Variants in CPSF1 observed in about 807,000 individuals in gnomAD.
CPSF1 encodes the protein cleavage and polyadenylation specific factor 1.
A neutral mutation model predicts 175.8 loss-of-function variants in CPSF1; 106 were observed. The observed-to-expected ratio is 0.60, with a 90% CI of 0.52 to 0.71. The LOEUF (loss-of-function observed/expected upper bound fraction) is 0.71. Among genes scored for constraint, CPSF1 ranks in the 30% least tolerant of loss-of-function variants. CPSF1 has a pLI of 0.00. For synonymous variants in CPSF1, 1,024 were observed against 858.3 expected (o/e 1.19, Z -3.37); for missense variants, 1,734 against 2,022.9 (o/e 0.86, Z 2.74).
Position 144,409,301 on chromosome 8 carries a change from G to T in CPSF1, c.-27C>A. ...CCCGGCCGCCCACCTGGCAGTTGGA[G>T]CCGACTCGAGAGGAACCGGGACAGC... On this transcript the variant is annotated 5_prime_UTR_variant, in exon 1 of 38. Coordinates refer to ENST00000616140, the MANE Select transcript of CPSF1 (RefSeq NM_013291.3). 1.5e-6 allele frequency: 1 copy of T among 677,490 alleles called. No individual in the cohort carries two copies. The highest frequency in any genetic ancestry group is 2.0e-6 in the Non-Finnish European group (1 of 498,274). 42.0% of individuals were successfully genotyped at this position (677,490 alleles called of 1,614,324 possible). A position where few individuals can be genotyped will look rare whatever the true frequency, so the allele number is the denominator to read the frequency against.
intron 2 of CPSF1, among the ~76,000 whole-genome samples, chr8:144,408,789 G>A (rs1821634527): frequency 6.6e-6 from 1 of 152,266 alleles, no homozygotes; most frequent in Non-Finnish European, 1.5e-5. Context: ...GACGGCTAGG[G>A]CAGCGCGCCC....
Position 144,398,794 on chromosome 8 carries a change from C to A in CPSF1, c.1623G>T (p.Pro541=). 1 of 1,600,848 alleles carries A rather than the reference C, an allele frequency of 6.2e-7. No individual in the cohort carries two copies. The highest frequency in any genetic ancestry group is 8.5e-7 in the Non-Finnish European group (1 of 1,171,166). Residue 541 remains proline (P), a synonymous_variant, in exon 17 of 38, where the codon CCG becomes CCT. Coordinates refer to ENST00000616140, the MANE Select transcript of CPSF1 (RefSeq NM_013291.3). Reference sequence around the variant, plus strand: ...TCGCACCTACCTCCTCCTTACGCACCGGGGCGATGACTGTCCACATGTCAT... The same window carrying A: ...TCGCACCTACCTCCTCCTTACGCACAGGGGCGATGACTGTCCACATGTCAT... ...GCYDMWTVIA[P]VRKEEEDNPK... is the part of the protein sequence containing the mutation.
intron 2 of CPSF1, among the ~76,000 whole-genome samples, chr8:144,403,393 C>A (rs1036657072): frequency 3.3e-5 from 5 of 151,500 alleles, no homozygotes; most frequent in Admixed American, 2.0e-4. Flanking sequence ...CACGCCAGGC[C>A]TTTGTTTTTT....
chr8:144,407,678 G>A (rs1821566989), intron 2 of CPSF1, among the ~76,000 whole-genome samples: 2 of 151,980 alleles, frequency 1.3e-5, no homozygotes, highest in South Asian at 2.1e-4. Context: ...CAGCCTGAGT[G>A]ACACAGCAAG....
Position 144,393,592 on chromosome 8 carries a change from TG to T in CPSF1, c.4146-3del. 6.2e-7 allele frequency: 1 copy of T among 1,601,838 alleles called. No individual in the cohort carries two copies. The highest frequency in any genetic ancestry group is 1.3e-5 in the African/African-American group (1 of 74,350). ...GTGCGGCGGTCCACGTGCAGCATCC[TG>T]GGGCGTACAGGCACAGGTGTCAGGG... On this transcript the variant is annotated splice_polypyrimidine_tract_variant and splice_region_variant and intron_variant, in intron 36 of 37. Coordinates refer to ENST00000616140, the MANE Select transcript of CPSF1 (RefSeq NM_013291.3).
At chr8:144,406,544 T>C (rs1821507327) in intron 2 of CPSF1, among the ~76,000 whole-genome samples, 1 of 152,246 alleles carries the variant, frequency 6.6e-6, no homozygotes, top group African/African-American at 2.4e-5. Flanking sequence ...TCTTTGTCTA[T>C]ATTCTGGGTG....
Position 144,396,698 on chromosome 8 carries a change from G to C in CPSF1, c.2726C>G (p.Ser909Cys), listed in dbSNP as rs782135010. ...INFREKKPKP[S>C]KKKAEGGGAE... The stretch of plus-strand genomic sequence containing the variant: ...GCCGCCACCTTCTGCTTTCTTCTTG[G>C]ATGGCTTTGGCTTCTTCTCACGGAA... The change falls in exon 25 of 38, where the codon TCC (serine) becomes TGC (cysteine). Residue 909 changes from serine to cysteine, a missense_variant. Physicochemically the swap from Ser to Cys is moderately radical, Grantham distance 112. Coordinates refer to ENST00000616140, the MANE Select transcript of CPSF1 (RefSeq NM_013291.3). The C allele has an allele frequency of 3.7e-6, 6 of 1,613,792 alleles. No individual in the cohort carries two copies. The African/African-American group carries it at 8.0e-5, about 22-fold the overall frequency.
At chr8:144,395,411 G>A (rs1554863376) in intron 27 of CPSF1, 24 bp downstream of exon 27, 4 of 1,612,860 alleles carry the variant, frequency 2.5e-6, no homozygotes, top group East Asian at 2.2e-5. Flanking sequence ...GAAGGTCCCT[G>A]GTGGGGTGGG....
chr8:144,396,890 G>A lies in CPSF1; in HGVS notation c.2632C>T (p.Pro878Ser). 8 of 1,613,918 alleles carry A rather than the reference G, an allele frequency of 5.0e-6. No homozygotes were observed. Among genetic ancestry groups the A allele is most frequent in the South Asian group, 1.1e-5 (1 of 91,068 alleles). ...DQELLIYEAF[P>S]HDSQLGQGNL... The stretch of plus-strand genomic sequence containing the variant: ...CCCTGGCCGAGCTGAGAGTCGTGGG[G>A]GAAGGCCTCGTAGATAAGCAGCTCT... The change falls in exon 24 of 38, where the codon CCC becomes TCC. Residue 878 changes from proline (P) to serine (S), a missense_variant. Around this residue, in one of 10 missense-constraint regions of CPSF1, gnomAD observed 585 missense variants for 584.7 expected, o/e 1.00. Transcript: ENST00000616140.
chr8:144,400,118 GC>G, intron 9 of CPSF1, 33 bp from the exon 10 acceptor site: 1 of 1,485,148 alleles, frequency 6.7e-7, no homozygotes, highest in Non-Finnish European at 9.1e-7. Flanking sequence ...GACTAGGCAG[GC>G]CCAAGCCGTC....
At position 144,397,787 on chromosome 8, in the gene CPSF1, C is replaced by T; in HGVS notation, c.2166G>A (p.Gly722=). Residue 722 remains glycine (G), a synonymous_variant, in exon 21 of 38, where the codon GGG becomes GGA. Coordinates refer to ENST00000616140, the MANE Select transcript of CPSF1 (RefSeq NM_013291.3). ...SRLGGARDEL[G]GRSGPEAEGL... Reference sequence around the variant, plus strand: ...CCTCGGCCTCCGGGCCACTGCGGCCCCCGAGCTCGTCACGGGCCCCACCCA... The same window carrying T: ...CCTCGGCCTCCGGGCCACTGCGGCCTCCGAGCTCGTCACGGGCCCCACCCA... 10 of 1,610,494 alleles carry T rather than the reference C, an allele frequency of 6.2e-6. No homozygotes were observed. The highest frequency in any genetic ancestry group is 8.5e-6 in the Non-Finnish European group (10 of 1,178,892).
rs1205411506 is a variant in CPSF1, at chr8:144,400,141, C to CCA, written c.937+24_937+25insTG. ...AGGCCCAAGCCGTCCCCGGGCCCCCCCCGCCCCAGCCACCCCACACTCACG... is the reference window on the plus strand; with the variant it reads ...AGGCCCAAGCCGTCCCCGGGCCCCCCCACCGCCCCAGCCACCCCACACTCACG... On this transcript the variant is annotated intron_variant, in intron 9 of 37. Transcript: ENST00000616140. 111 of 1,254,216 alleles carry CCA rather than the reference C, an allele frequency of 8.9e-5. 7 individuals carry two copies. The highest frequency in any genetic ancestry group is 2.4e-4 in the Admixed American group (11 of 46,362). The allele number at this position is 1,254,216 out of a possible 1,614,324, so 77.7% of individuals were successfully genotyped here.
rs782417933 is a variant in CPSF1, at chr8:144,397,229, C to T, written c.2570G>A (p.Arg857His). 15 of 1,547,082 alleles carry T rather than the reference C, an allele frequency of 9.7e-6. No individual in the cohort carries two copies. Among genetic ancestry groups the T allele is most frequent in the South Asian group, 2.4e-5 (2 of 84,144 alleles). The change falls in exon 23 of 38, where the codon CGC becomes CAC. Residue 857 changes from arginine (R) to histidine (H), a missense_variant. By Grantham distance (29) the Arg-to-His change is conservative. Around this residue, in one of 10 missense-constraint regions of CPSF1, gnomAD observed 585 missense variants for 584.7 expected, o/e 1.00. Coordinates refer to ENST00000616140, the MANE Select transcript of CPSF1 (RefSeq NM_013291.3). ...KEVLLVALGS[R>H]QSRPYLLVHV... ...CACCAGCAGGTAGGGCCTGCTCTGGCGGCTGCCCAGCGCCACCAGCAGCAC... is the reference window on the plus strand; with the variant it reads ...CACCAGCAGGTAGGGCCTGCTCTGGTGGCTGCCCAGCGCCACCAGCAGCAC...
In CPSF1 at chr8:144,399,067, G is replaced by GGCCC; in HGVS notation, c.1468-30_1468-29insGGGC. On this transcript the variant is annotated intron_variant, in intron 15 of 37. Transcript: ENST00000616140. The surrounding 1 kb of genome is among the most constrained non-coding windows in gnomAD (Gnocchi z 6.4). Reference sequence around the variant, plus strand: ...CACAGGACTCGGGGGTGAGGACTATGCCCCCCACCCCCCCTCACACTCCAG... The same window carrying GGCCC: ...CACAGGACTCGGGGGTGAGGACTATGGCCCCCCCCCACCCCCCCTCACACTCCAG... 5 of 1,549,914 alleles carry GGCCC rather than the reference G, an allele frequency of 3.2e-6. No homozygotes were observed. The highest frequency in any genetic ancestry group is 1.4e-5 in the African/African-American group (1 of 73,180).
chr8:144,394,456 G>A lies in CPSF1; in HGVS notation c.3667C>T (p.Leu1223=), dbSNP rs1395452065. ...HQMISVKNFI[L]AADVMKSISL... ...ATGCTCTTCATGACGTCGGCTGCCA[G>A]GATGAAGTTCTTGACGCTGATCATC... Residue 1223 remains leucine, a synonymous_variant, in exon 32 of 38, where the codon CTG becomes TTG. Transcript: ENST00000616140. 3 of 1,608,754 alleles carry A rather than the reference G, an allele frequency of 1.9e-6. No homozygotes were observed. Among genetic ancestry groups the A allele is most frequent in the East Asian group, 2.2e-5 (1 of 44,730 alleles).
In CPSF1 at chr8:144,399,080, C is replaced by T. The variant is rs2116858240; in HGVS notation, c.1468-42G>A. 2.1e-5 allele frequency: 33 copies of T among 1,546,748 alleles called. No homozygotes were observed. The highest frequency in any genetic ancestry group is 2.5e-5 in the Non-Finnish European group (29 of 1,145,016). On this transcript the variant is annotated intron_variant, in intron 15 of 37. Transcript: ENST00000616140. The surrounding 1 kb of genome is among the most constrained non-coding windows in gnomAD (Gnocchi z 6.4). ...GGTGAGGACTATGCCCCCCACCCCC[C>T]CTCACACTCCAGCCCCTGCCCCCAG...
In CPSF1 at chr8:144,399,216, A is replaced by G. The variant is rs1554865438; in HGVS notation, c.1393-14T>C. ...GCTGTCACACACCTGCGGCACAGCAAGAGTCAGGGGCCCGCTGGGGGCGCT... is the reference window on the plus strand; with the variant it reads ...GCTGTCACACACCTGCGGCACAGCAGGAGTCAGGGGCCCGCTGGGGGCGCT... On this transcript the variant is annotated splice_polypyrimidine_tract_variant and intron_variant, in intron 14 of 37. Transcript: ENST00000616140. This position sits in a 1 kb window ranked among gnomAD's most constrained non-coding sequence, Gnocchi z 6.4. 1.2e-6 allele frequency: 2 copies of G among 1,611,260 alleles called. No individual in the cohort carries two copies. The highest frequency in any genetic ancestry group is 1.3e-5 in the African/African-American group (1 of 74,918).
chr8:144,400,135 G>GGCCCCCCCC, intron 9 of CPSF1, 31 bp downstream of exon 9: 52 of 895,920 alleles, frequency 5.8e-5, no homozygotes, highest in Middle Eastern at 3.7e-4. Flanking sequence ...CCGTCCCCGG[G>GGCCCCCCCC]CCCCCCCCGC....
intron 4 of CPSF1, 63 bp downstream of exon 4, chr8:144,401,367 C>T: frequency 1.2e-6 from 2 of 1,611,718 alleles, no homozygotes; most frequent in Non-Finnish European, 1.7e-6. Flanking sequence ...AACGGCTGTA[C>T]CCAGGCCCTG....
Sources: gnomAD v4.1 joint callset for allele counts (sites outside exome capture counted in the v4.1 genomes callset) on GRCh38, gnomAD v4.1.1 for gene constraint, gnomAD v4.1.1 regional missense constraint, Gnocchi (gnomAD v3.1) non-coding constraint, MANE v1.5 for transcripts, NCBI Gene and HGNC (gene_info 2026-07-23, HGNC 2026-07-21) for gene names.